The following SRRM4 variants were observed in gnomAD, a reference collection of about 807,000 sequenced individuals.
The protein encoded by SRRM4 is serine/arginine repetitive matrix 4.
A neutral mutation model predicts 68.9 loss-of-function variants in SRRM4; 33 were observed. The ratio of observed to expected loss-of-function variants is 0.48; its 90% CI spans 0.36 to 0.64. The LOEUF is 0.64. Ranked by LOEUF, SRRM4 falls within the 30% of genes least tolerant of loss-of-function variation. The probability of loss-of-function intolerance (pLI) is 0.00; values close to 1 mark genes in which losing one functional copy is unlikely to be tolerated. For missense variants in SRRM4, 817 were observed against 827.1 expected (o/e 0.99, Z 0.15); for synonymous variants, 318 against 318.8 (o/e 1.00, Z 0.03).
intron 1 of SRRM4, among the ~76,000 whole-genome samples, chr12:119,061,647 A>C (rs957049005): frequency 6.6e-6 from 1 of 152,240 alleles, no homozygotes; most frequent in African/African-American, 2.4e-5. Context: ...GGGTTGAGGC[A>C]GGAAGCTAGA....
intron 1 of SRRM4, among the ~76,000 whole-genome samples, chr12:119,012,497 T>G (rs1953456391): frequency 2.0e-5 from 3 of 152,226 alleles, no homozygotes; most frequent in South Asian, 2.1e-4. Context: ...ACTTTGGAAC[T>G]GTAGGGCAAA....
chr12:119,147,283 G>A (rs1418656779), intron 9 of SRRM4, among the ~76,000 whole-genome samples: 1 of 152,214 alleles, frequency 6.6e-6, no homozygotes, highest in African/African-American at 2.4e-5. Context: ...AAAGTACAAA[G>A]ATAAGTGGTT....
chr12:119,109,646 C>T (rs574886744), intron 2 of SRRM4, among the ~76,000 whole-genome samples: 6 of 152,282 alleles, frequency 3.9e-5, no homozygotes, highest in South Asian at 2.1e-4. Flanking sequence ...ATGTAGTTCT[C>T]GTGCCATGAT....
intron 1 of SRRM4, among the ~76,000 whole-genome samples, chr12:119,016,454 TAAA>T (rs562002879): frequency 7.2e-6 from 1 of 138,634 alleles, no homozygotes; most frequent in African/African-American, 2.7e-5. Context: ...ACGATGTAAT[TAAA>T]AAAAAAAAAA....
chr12:119,145,098 T>C (rs907270929), intron 8 of SRRM4, among the ~76,000 whole-genome samples: 13 of 152,194 alleles, frequency 8.5e-5, no homozygotes, highest in African/African-American at 3.1e-4. Context: ...AATTAAATTT[T>C]GTATAATTTC....
intron 1 of SRRM4, among the ~76,000 whole-genome samples, chr12:119,006,122 C>T (rs1174798335): frequency 2.6e-5 from 4 of 152,214 alleles, no homozygotes; most frequent in African/African-American, 9.6e-5. Flanking sequence ...CCCTGGCTGG[C>T]CCATCTGTTC....
At chr12:119,030,244 G>A (rs2136005701) in intron 1 of SRRM4, among the ~76,000 whole-genome samples, 1 of 152,282 alleles carries the variant, frequency 6.6e-6, no homozygotes, top group South Asian at 2.1e-4. Flanking sequence ...AAGAACCAAG[G>A]GTATGACACA....
chr12:119,061,203 C>A (rs1183871071), intron 1 of SRRM4, among the ~76,000 whole-genome samples: 1 of 152,208 alleles, frequency 6.6e-6, no homozygotes, highest in Non-Finnish European at 1.5e-5. Context: ...ACCGAAAATT[C>A]TTCAAGATGG....
chr12:119,131,902 T>C (rs1954300604), intron 8 of SRRM4, among the ~76,000 whole-genome samples: 1 of 152,112 alleles, frequency 6.6e-6, no homozygotes, highest in Non-Finnish European at 1.5e-5. Flanking sequence ...AGATGGTGCC[T>C]AAGGAAGGGT....
At chr12:119,151,335 C>T in intron 10 of SRRM4, 115 bp downstream of exon 10, 1 of 964,066 alleles carries the variant, frequency 1.0e-6, no homozygotes, top group Admixed American at 2.0e-5. Context: ...GGTTTGAATA[C>T]TCGTTTTGCC....
intron 1 of SRRM4, chr12:118,992,057 G>A (rs1209971962): frequency 6.6e-6 from 1 of 152,194 alleles, no homozygotes; most frequent in Non-Finnish European, 1.5e-5. Context: ...ATATATTGGG[G>A]TTTTGTTCTC....
At chr12:119,092,497 C>A (rs893393005) in intron 1 of SRRM4, among the ~76,000 whole-genome samples, 1 of 152,130 alleles carries the variant, frequency 6.6e-6, no homozygotes, top group Non-Finnish European at 1.5e-5. Context: ...GCAGCAAGAG[C>A]CTCCCAGTTG....
At chr12:118,991,017 C>T (rs1477413652) in intron 1 of SRRM4, among the ~76,000 whole-genome samples, 1 of 152,138 alleles carries the variant, frequency 6.6e-6, no homozygotes, top group Non-Finnish European at 1.5e-5. Flanking sequence ...TTTGGCCAGG[C>T]TGGTCTTGAA....
intron 1 of SRRM4, among the ~76,000 whole-genome samples, chr12:119,057,014 T>A (rs1469560828): frequency 6.6e-6 from 1 of 152,126 alleles, no homozygotes; most frequent in Non-Finnish European, 1.5e-5. Context: ...GCAACATTAC[T>A]CCCATTCAAC....
chr12:119,026,398 G>A (rs773482531), intron 1 of SRRM4, among the ~76,000 whole-genome samples: 42 of 151,852 alleles, frequency 2.8e-4, no homozygotes, highest in Non-Finnish European at 4.9e-4. Context: ...TGAGCGGTAA[G>A]AAAAAGGACT....
intron 1 of SRRM4, chr12:119,031,329 A>G (rs1403811796): frequency 2.6e-5 from 4 of 152,220 alleles, no homozygotes; most frequent in Admixed American, 6.5e-5. Context: ...AAAGCTAGCA[A>G]TGGAAAGAGT....
chr12:119,031,529 C>T (rs750417074), intron 1 of SRRM4, among the ~76,000 whole-genome samples: 4 of 152,140 alleles, frequency 2.6e-5, no homozygotes, highest in African/African-American at 2.4e-5. Flanking sequence ...ATGCCTACTA[C>T]ATTCTAGAAG....
intron 1 of SRRM4, among the ~76,000 whole-genome samples, chr12:119,047,816 G>C (rs985514601): frequency 3.3e-5 from 5 of 152,164 alleles, no homozygotes; most frequent in Admixed American, 1.3e-4. Context: ...GCTGGAGCAG[G>C]TCACATGATC....
At chr12:119,149,009 G>A (rs1437071870) in intron 9 of SRRM4, among the ~76,000 whole-genome samples, 1 of 152,164 alleles carries the variant, frequency 6.6e-6, no homozygotes, top group East Asian at 1.9e-4. Flanking sequence ...GTGGTTTTGA[G>A]GAAATAACAA....
Sources: allele counts gnomAD v4.1 joint callset (sites outside exome capture counted in the v4.1 genomes callset), GRCh38; gene constraint gnomAD v4.1.1; transcripts MANE v1.5; gene names NCBI Gene and HGNC (gene_info 2026-07-23, HGNC 2026-07-21).